Variants in ATP8A2 observed in about 807,000 individuals in gnomAD.
ATP8A2 encodes ATPase phospholipid transporting 8A2, also known as phospholipid-transporting ATPase IB.
A neutral mutation model predicts 165.6 loss-of-function variants in ATP8A2; 100 were observed. That is an observed-to-expected ratio of 0.60 (90% CI 0.51 to 0.71). The LOEUF is 0.71. Ranked by LOEUF, ATP8A2 falls within the 30% of genes least tolerant of loss-of-function variation. The pLI, the probability that ATP8A2 is intolerant of heterozygous loss-of-function variation, is 0.00. For missense variants in ATP8A2, 1,227 were observed against 1,479.5 expected, an observed-to-expected ratio of 0.83 and a Z score of 2.80; for synonymous variants, 543 against 548.8, an observed-to-expected ratio of 0.99 and a Z score of 0.15.
chr13:25,584,150 C>A (rs1486607900), intron 23 of ATP8A2, among the ~76,000 whole-genome samples: 3 of 152,132 alleles, frequency 2.0e-5, no homozygotes, highest in African/African-American at 4.8e-5. Flanking sequence ...AAGCTTGTAG[C>A]CTTGGGTGAC....
At position 25,880,700 on chromosome 13, in the gene ATP8A2, A is replaced by G. The variant is rs140133164; in HGVS notation, c.3183+18292A>G. On this transcript the variant is annotated intron_variant, in intron 33 of 36. Transcript: ENST00000381655. ...TTCCCAGGAGCTACTATTTATTGTTACAAGTTACGTTCCCCTAAATGAAAA... is the reference window on the plus strand; with the variant it reads ...TTCCCAGGAGCTACTATTTATTGTTGCAAGTTACGTTCCCCTAAATGAAAA... Among the ~76,000 whole-genome samples the G allele has an allele frequency of 2.2e-3, 333 of 152,326 alleles. 2 individuals carry two copies. The highest frequency in any genetic ancestry group is 7.6e-3 in the African/African-American group (318 of 41,590).
intron 2 of ATP8A2, among the ~76,000 whole-genome samples, chr13:25,523,272 C>CTTT (rs71077476): frequency 4.4e-5 from 6 of 135,718 alleles, no homozygotes; most frequent in Admixed American, 7.5e-5. Context: ...TTTAGGATAA[C>CTTT]TTTTTTTTTT....
intron 27 of ATP8A2, among the ~76,000 whole-genome samples, chr13:25,809,950 G>GAGAAATTAATGT (rs1950825175): frequency 6.6e-6 from 1 of 152,134 alleles, no homozygotes; most frequent in African/African-American, 2.4e-5. Flanking sequence ...TTAATGTGTT[G>GAGAAATTAATGT]CCCCAGAGAG....
At chr13:25,828,531 C>A (rs1566179788) in intron 28 of ATP8A2, among the ~76,000 whole-genome samples, 3 of 152,222 alleles carry the variant, frequency 2.0e-5, no homozygotes, top group Non-Finnish European at 4.4e-5. Context: ...CACCTAAACT[C>A]ATTCCGCTTC....
chr13:25,466,346 CCTA>C (rs2035667862), intron 1 of ATP8A2, among the ~76,000 whole-genome samples: 1 of 152,104 alleles, frequency 6.6e-6, no homozygotes, highest in African/African-American at 2.4e-5. Context: ...CCTTCCCTTT[CCTA>C]CAATGCCCTT....
chr13:25,992,717 T>C (rs1051314937), intron 35 of ATP8A2, among the ~76,000 whole-genome samples: 10 of 152,182 alleles, frequency 6.6e-5, no homozygotes, highest in African/African-American at 2.4e-4. Flanking sequence ...CTTTAAGTTT[T>C]AGGGTACATG....
intron 13 of ATP8A2, among the ~76,000 whole-genome samples, chr13:25,558,121 CA>C (rs1284158980): frequency 6.6e-6 from 1 of 152,178 alleles, no homozygotes; most frequent in Non-Finnish European, 1.5e-5. Flanking sequence ...AGGCTGGTCT[CA>C]AACTCCTGAC....
At chr13:25,847,115 G>T (rs1326218122) in intron 30 of ATP8A2, among the ~76,000 whole-genome samples, 1 of 152,202 alleles carries the variant, frequency 6.6e-6, no homozygotes, top group Non-Finnish European at 1.5e-5. Flanking sequence ...GGGAAGACCT[G>T]CAGGGAGGAC....
intron 24 of ATP8A2, among the ~76,000 whole-genome samples, chr13:25,622,597 A>G (rs1488544836): frequency 6.6e-6 from 1 of 152,182 alleles, no homozygotes; most frequent in Non-Finnish European, 1.5e-5. Flanking sequence ...CAAAACCTGA[A>G]ACTTTTTAAG....
chr13:25,721,799 A>G (rs1207020260), intron 25 of ATP8A2, among the ~76,000 whole-genome samples: 2 of 152,248 alleles, frequency 1.3e-5, no homozygotes, highest in African/African-American at 4.8e-5. Flanking sequence ...ATTGAATAAT[A>G]TTCCATTGTA....
At chr13:26,006,442 A>C (rs1165952532) in intron 35 of ATP8A2, among the ~76,000 whole-genome samples, 2 of 152,036 alleles carry the variant, frequency 1.3e-5, no homozygotes, top group Non-Finnish European at 2.9e-5. Flanking sequence ...ATATAAGATC[A>C]TGTCATGTAC....
chr13:25,839,515 C>G, intron 29 of ATP8A2, 31 bp from the exon 30 acceptor site: 1 of 1,576,760 alleles, frequency 6.3e-7, no homozygotes, highest in Admixed American at 1.7e-5. Flanking sequence ...TTTTGGGCAG[C>G]TCCTGACTCC....
At chr13:25,971,177 C>T (rs947011988) in intron 35 of ATP8A2, among the ~76,000 whole-genome samples, 2 of 151,908 alleles carry the variant, frequency 1.3e-5, no homozygotes, top group Non-Finnish European at 2.9e-5. Flanking sequence ...TCAGTGACCC[C>T]CTCCCATTTG....
chr13:25,750,759 C>G lies in ATP8A2; in HGVS notation c.2385-18287C>G, dbSNP rs1338013082. 2.6e-5 allele frequency among the ~76,000 whole-genome samples: 4 copies of G among 152,022 alleles called. No individual in the cohort carries two copies. Among genetic ancestry groups the G allele is most frequent in the Non-Finnish European group, 5.9e-5 (4 of 68,028 alleles). On this transcript the variant is annotated intron_variant, in intron 25 of 36. Coordinates refer to ENST00000381655, the MANE Select transcript of ATP8A2 (RefSeq NM_016529.6). This position sits in a 1 kb window ranked among gnomAD's most constrained non-coding sequence, Gnocchi z 4.3. ...GCTTGCGAAGAAAAGTCCTCTTCTG[C>G]TCGATGTATACAAAACTTCTGTTTT...
intron 7 of ATP8A2, among the ~76,000 whole-genome samples, chr13:25,539,511 T>C (rs1033772669): frequency 3.3e-5 from 5 of 152,124 alleles, no homozygotes; most frequent in African/African-American, 7.2e-5. Flanking sequence ...TGCTGTGTGC[T>C]GAACAACCTG....
chr13:25,459,989 G>A (rs1407727917), intron 1 of ATP8A2, among the ~76,000 whole-genome samples: 1 of 152,114 alleles, frequency 6.6e-6, no homozygotes, highest in African/African-American at 2.4e-5. Flanking sequence ...ATCACCTGAG[G>A]TCAGGAGTTC....
intron 25 of ATP8A2, among the ~76,000 whole-genome samples, chr13:25,710,759 G>A (rs1226710514): frequency 1.4e-5 from 2 of 143,172 alleles, no homozygotes; most frequent in Admixed American, 1.4e-4. Context: ...AGCATGAGGT[G>A]CTATGAAAGC....
At chr13:25,940,582 G>C (rs1445041938) in intron 33 of ATP8A2, among the ~76,000 whole-genome samples, 1 of 152,172 alleles carries the variant, frequency 6.6e-6, no homozygotes, top group Non-Finnish European at 1.5e-5. Context: ...TCACAGCACA[G>C]GTCCCACTGA....
intron 4 of ATP8A2, among the ~76,000 whole-genome samples, chr13:25,531,149 TATATATATG>T (rs1489334207): frequency 2.3e-4 from 30 of 130,306 alleles, no homozygotes; most frequent in African/African-American, 7.1e-4. Context: ...ATATATATGT[TATATATATG>T]ATATATATGT....
Sources: gnomAD v4.1 joint callset for allele counts (sites outside exome capture counted in the v4.1 genomes callset) on GRCh38, gnomAD v4.1.1 for gene constraint, Gnocchi (gnomAD v3.1) non-coding constraint, MANE v1.5 for transcripts, NCBI Gene and HGNC (gene_info 2026-07-23, HGNC 2026-07-21) for gene names.